Variants in ARAP2 observed in about 807,000 individuals in gnomAD.
ARAP2 encodes the protein ArfGAP with RhoGAP domain, ankyrin repeat and PH domain 2.
A neutral mutation model predicts 194.5 loss-of-function variants in ARAP2; 148 were observed. The observed-to-expected ratio is 0.76, with a 90% confidence interval of 0.67 to 0.87. The LOEUF (loss-of-function observed/expected upper bound fraction) is 0.87. Among genes scored for constraint, ARAP2 ranks in the 40% least tolerant of loss-of-function variants. The probability of loss-of-function intolerance (pLI) is 0.00; values close to 1 mark genes in which losing one functional copy is unlikely to be tolerated. For synonymous variants in ARAP2, 695 were observed against 683.5 expected (o/e 1.02, Z -0.26); for missense variants, 2,128 against 1,989.7 (o/e 1.07, Z -1.32).
At chr4:36,036,884 C>G (rs1404120143) in intron 5 of ARAP2, among the ~76,000 whole-genome samples, 2 of 152,104 alleles carry the variant, frequency 1.3e-5, no homozygotes, top group Non-Finnish European at 2.9e-5. Flanking sequence ...GATCTAAAAA[C>G]TGTCTTCATA....
At chr4:36,243,094 T>TAAA (rs34480407) in intron 1 of ARAP2, among the ~76,000 whole-genome samples, 7,866 of 148,182 alleles carry the variant, frequency 0.053, 698 homozygotes, top group African/African-American at 0.18. Context: ...AAATAAGAGT[T>TAAA]AAAAAAAAAA....
intron 2 of ARAP2, among the ~76,000 whole-genome samples, chr4:36,056,883 T>C (rs1314673687): frequency 6.6e-6 from 1 of 151,702 alleles, no homozygotes; most frequent in African/African-American, 2.4e-5. Flanking sequence ...TCCCTGACAA[T>C]GCTTGCACAT....
At position 36,054,160 on chromosome 4, in the gene ARAP2, G is replaced by C. The variant is rs115008508; in HGVS notation, n.322-2107C>G. Among the ~76,000 whole-genome samples the C allele has an allele frequency of 6.4e-3, 976 of 152,210 alleles. 10 individuals carry two copies. The highest frequency in any genetic ancestry group is 0.023 in the African/African-American group (940 of 41,498). On this transcript the variant is annotated intron_variant and non_coding_transcript_variant, in intron 2 of 12. Coordinates refer to the ARAP2 transcript ENST00000503225. ...GCCACTATAACTGCTGGAATGTACA[G>C]GCCCTAACTAAGGAGTTTTTATCCC...
At chr4:36,031,023 G>A (rs1377711833) in intron 5 of ARAP2, among the ~76,000 whole-genome samples, 4 of 152,008 alleles carry the variant, frequency 2.6e-5, no homozygotes, top group Admixed American at 6.5e-5. Context: ...CCAGCTACTC[G>A]GGAGGCTGAG....
At chr4:36,225,810 A>C (rs1237724336) in intron 2 of ARAP2, among the ~76,000 whole-genome samples, 4 of 152,158 alleles carry the variant, frequency 2.6e-5, no homozygotes, top group African/African-American at 7.2e-5. Context: ...CTTTAAAAAC[A>C]CAGGCCATAA....
intron 2 of ARAP2, among the ~76,000 whole-genome samples, chr4:36,228,001 T>G (rs574950678): frequency 2.9e-4 from 44 of 152,252 alleles, no homozygotes; most frequent in African/African-American, 1.1e-3. Flanking sequence ...AGGTCTCATC[T>G]CTAGTGAGCC....
chr4:36,092,056 C>A, intron 27 of ARAP2, 36 bp from the exon 28 acceptor site: 1 of 1,459,210 alleles, frequency 6.9e-7, no homozygotes, highest in South Asian at 1.5e-5. Context: ...GAGTTGGGTA[C>A]GTTTTTACTT....
intron 19 of ARAP2, among the ~76,000 whole-genome samples, chr4:36,136,783 ATGTG>A (rs772565955): frequency 0.011 from 1,571 of 143,864 alleles, 21 homozygotes; most frequent in East Asian, 0.043. Context: ...AATCAAATAT[ATGTG>A]TGTGTGTGTG....
intron 6 of ARAP2, among the ~76,000 whole-genome samples, chr4:36,204,026 TAAC>T (rs1379879736): frequency 6.6e-5 from 10 of 152,032 alleles, no homozygotes; most frequent in South Asian, 4.1e-4. Flanking sequence ...AATTACAGTA[TAAC>T]AACAACAACA....
At chr4:36,160,070 G>A in intron 13 of ARAP2, 1 of 982,962 alleles carries the variant, frequency 1.0e-6, no homozygotes, top group Non-Finnish European at 1.2e-6. Flanking sequence ...TATCATCTTT[G>A]TACAAACAAT....
intron 32 of ARAP2, among the ~76,000 whole-genome samples, chr4:36,072,937 C>T (rs370992074): frequency 2.6e-5 from 4 of 152,218 alleles, no homozygotes; most frequent in African/African-American, 9.6e-5. Context: ...AAAGTTATTT[C>T]TGTTTGGAGA....
rs1732497303 is a variant in ARAP2 at position 36,156,431 on chromosome 4, GAAAGAAAGAA to G, written c.2752+2289_2752+2298del. Among the ~76,000 whole-genome samples the G allele has an allele frequency of 1.8e-4, 4 of 21,920 alleles. 1 individual carries two copies. Among genetic ancestry groups the G allele is most frequent in the Admixed American group, 3.8e-4 (1 of 2,632 alleles). The allele number at this position is 21,920 out of a possible 152,430, so 14.4% of individuals were successfully genotyped here. A position where few individuals can be genotyped will look rare whatever the true frequency, so the allele number is the denominator to read the frequency against. The stretch of plus-strand genomic sequence containing the variant: ...AGAAAGAAAGAAAGAAAGAAAGAAA[GAAAGAAAGAA>G]AGAGAAAGAAAGAAAGAAAGAAAGA... On this transcript the variant is annotated intron_variant, in intron 15 of 32. Coordinates refer to ENST00000303965, the MANE Select transcript of ARAP2 (RefSeq NM_015230.4).
Position 36,102,872 on chromosome 4 carries a change from G to A in ARAP2, c.4285+4693C>T, listed in dbSNP as rs574717863. ...TTTCTCACCACAGAATTATATTTTA[G>A]AAAATGTCAGGAAATTGGTACTCCA... is the stretch of plus-strand genomic sequence containing the variant. On this transcript the variant is annotated intron_variant, in intron 27 of 32. Transcript: ENST00000303965. Among the ~76,000 whole-genome samples, 1,138 of 151,634 alleles carry A rather than the reference G, an allele frequency of 7.5e-3. 9 individuals are homozygous for A. The highest frequency in any genetic ancestry group is 0.011 in the Non-Finnish European group (760 of 67,818).
At position 36,193,615 on chromosome 4, in the gene ARAP2, A is replaced by T; in HGVS notation, c.1520T>A (p.Phe507Tyr). Residue 507 changes from phenylalanine (F) to tyrosine (Y), a missense_variant, in exon 7 of 33, where the codon TTT becomes TAT. Transcript: ENST00000303965. Reference sequence around the variant, plus strand: ...GTAGTAAGAAATGCTAAGGCCATCAAATTTCACCCATCTCTTTTGAAACAT... The same window carrying T: ...GTAGTAAGAAATGCTAAGGCCATCATATTTCACCCATCTCTTTTGAAACAT... The part of the protein sequence containing the change: ...KRMFQKRWVK[F>Y]DGLSISYYNN... The T allele has an allele frequency of 6.2e-7, 1 of 1,601,332 alleles. No homozygotes were observed. The highest frequency in any genetic ancestry group is 1.1e-5 in the South Asian group (1 of 87,576).
chr4:36,069,516 C>A (rs967303560), intron 32 of ARAP2, among the ~76,000 whole-genome samples: 4 of 150,446 alleles, frequency 2.7e-5, no homozygotes, highest in South Asian at 2.1e-4. Context: ...AAAAAAAAAA[C>A]AAGACAGGGT....
At chr4:36,073,961 T>C (rs1727649286) in intron 31 of ARAP2, 138 bp from the exon 32 acceptor site, 1 of 1,119,902 alleles carries the variant, frequency 8.9e-7, no homozygotes, top group Non-Finnish European at 1.3e-6. Flanking sequence ...GTGATTATGA[T>C]GTTGACTCTG....
intron 5 of ARAP2, among the ~76,000 whole-genome samples, chr4:36,037,725 G>A (rs902517513): frequency 2.6e-5 from 4 of 151,952 alleles, no homozygotes; most frequent in African/African-American, 9.7e-5. Flanking sequence ...TCTGTATTCT[G>A]TTCTGTGCTA....
intron 3 of ARAP2, among the ~76,000 whole-genome samples, chr4:36,047,507 T>A (rs1345686932): frequency 6.6e-6 from 1 of 152,204 alleles, no homozygotes; most frequent in African/African-American, 2.4e-5. Flanking sequence ...GATTCATGCT[T>A]TCTTTTATTG....
chr4:36,087,887 T>C (rs757173184), intron 28 of ARAP2, among the ~76,000 whole-genome samples: 42 of 152,244 alleles, frequency 2.8e-4, no homozygotes, highest in Middle Eastern at 3.4e-3. Flanking sequence ...CTCCATCGCT[T>C]ACTGTGTATG....
Sources: gnomAD v4.1 joint callset for allele counts (sites outside exome capture counted in the v4.1 genomes callset) on GRCh38, gnomAD v4.1.1 for gene constraint, MANE v1.5 for transcripts, NCBI Gene and HGNC (gene_info 2026-07-23, HGNC 2026-07-21) for gene names.